The following OCIAD2 variants were observed in gnomAD, a reference collection of about 807,000 sequenced individuals.
OCIAD2 encodes the protein OCIA domain containing 2, also known as OCIA domain-containing protein 2.
OCIAD2 carries 29 observed loss-of-function variants against 22.9 expected under a neutral mutation model. The ratio of observed to expected loss-of-function variants is 1.27; its 90% CI spans 0.94 to 1.73. The LOEUF is 1.73. Among genes scored for constraint, OCIAD2 ranks in the 40% most tolerant of loss-of-function variants. The pLI, the probability that OCIAD2 is intolerant of heterozygous loss-of-function variation, is 0.00. For synonymous variants in OCIAD2, 67 were observed against 60.2 expected (o/e 1.11, Z -0.52); for missense variants, 189 against 180.3 (o/e 1.05, Z -0.28).
chr4:48,891,264 C>T (rs1781172027), intron 6 of OCIAD2, among the ~76,000 whole-genome samples: 2 of 152,138 alleles, frequency 1.3e-5, no homozygotes, highest in South Asian at 4.1e-4. Context: ...ATGCCTATTC[C>T]TTAACCCTCC....
At chr4:48,902,287 G>A (rs757978471) in intron 2 of OCIAD2, among the ~76,000 whole-genome samples, 1 of 152,154 alleles carries the variant, frequency 6.6e-6, no homozygotes, top group Admixed American at 6.5e-5. Context: ...AGATGTCAAT[G>A]TACAGATGGT....
At chr4:48,894,159 GACATA>G in intron 4 of OCIAD2, 106 bp from the exon 5 acceptor site, 1 of 537,276 alleles carries the variant, frequency 1.9e-6, no homozygotes, top group Non-Finnish European at 2.9e-6. Context: ...CAAAATTTAA[GACATA>G]AAATTTCTTA....
intron 6 of OCIAD2, 76 bp from the exon 7 acceptor site, chr4:48,885,641 C>A (rs1780964079): frequency 1.0e-5 from 8 of 783,214 alleles, no homozygotes; most frequent in Non-Finnish European, 1.8e-5. Context: ...ACATATTATT[C>A]TTATTATTTT....
At chr4:48,893,080 T>C (rs1781218835) in intron 5 of OCIAD2, 191 bp from the exon 6 acceptor site, 2 of 443,756 alleles carry the variant, frequency 4.5e-6, no homozygotes, top group Non-Finnish European at 8.1e-6. Flanking sequence ...ATCTCAACTT[T>C]GCACTGGTGG....
intron 2 of OCIAD2, among the ~76,000 whole-genome samples, chr4:48,901,835 T>C (rs1437387439): frequency 6.6e-6 from 1 of 152,198 alleles, no homozygotes; most frequent in Non-Finnish European, 1.5e-5. Context: ...CTCGAACTCC[T>C]GGGCTCAAGT....
At chr4:48,905,406 T>A (rs1781503395) in intron 1 of OCIAD2, among the ~76,000 whole-genome samples, 1 of 146,848 alleles carries the variant, frequency 6.8e-6, no homozygotes, top group Admixed American at 6.8e-5. Context: ...CAAGGGAATA[T>A]CGAAAAGAGA....
chr4:48,902,763 G>A (rs6853273), intron 2 of OCIAD2, among the ~76,000 whole-genome samples: 114 of 152,224 alleles, frequency 7.5e-4, no homozygotes, highest in African/African-American at 2.5e-3. Flanking sequence ...GACCAGCCTC[G>A]CCAACATGGT....
intron 5 of OCIAD2, 67 bp downstream of exon 5, chr4:48,893,938 TC>T (rs1427381632): frequency 2.9e-5 from 29 of 1,001,478 alleles, no homozygotes; most frequent in Non-Finnish European, 3.9e-5. Context: ...CACCTCAGCC[TC>T]CCAAAGTGCT....
Position 48,892,802 on chromosome 4 carries a change from C to T in OCIAD2, c.353G>A (p.Arg118His), listed in dbSNP as rs764161793. The change falls in exon 6 of 7, where the codon CGT becomes CAT. Residue 118 changes from arginine to histidine, a missense_variant. Coordinates refer to ENST00000508632, the MANE Select transcript of OCIAD2 (RefSeq NM_001014446.3). ...ATGCTGTGGACCAAAACCAGCCCCA[C>T]GGAGCTGATCTTCAAAAAAATGGAA... is the stretch of plus-strand genomic sequence containing the variant. ...SKFHFFEDQL[R>H]GAGFGPQHNR... is the part of the protein sequence containing the mutation. 4.5e-5 allele frequency: 72 copies of T among 1,608,066 alleles called. No individual in the cohort carries two copies. Among genetic ancestry groups the T allele is most frequent in the African/African-American group, 5.4e-5 (4 of 74,732 alleles).
intron 6 of OCIAD2, among the ~76,000 whole-genome samples, chr4:48,887,058 T>C (rs1781008610): frequency 6.6e-6 from 1 of 152,208 alleles, no homozygotes; most frequent in South Asian, 2.1e-4. Flanking sequence ...TGGTATCTCA[T>C]TGTGGTTTTG....
intron 4 of OCIAD2, among the ~76,000 whole-genome samples, 182 bp from the exon 5 acceptor site, chr4:48,894,235 G>A (rs1482659344): frequency 6.6e-6 from 1 of 152,082 alleles, no homozygotes; most frequent in African/African-American, 2.4e-5. Context: ...ACTTACGCCT[G>A]TAATCCAGCA....
chr4:48,906,393 C>G (rs1052351026), intron 1 of OCIAD2, among the ~76,000 whole-genome samples: 5 of 152,148 alleles, frequency 3.3e-5, no homozygotes, highest in African/African-American at 1.2e-4. Context: ...GGACGGCGGA[C>G]GGGGGACACT....
chr4:48,902,803 A>T (rs375276981), intron 2 of OCIAD2, among the ~76,000 whole-genome samples: 1 of 152,042 alleles, frequency 6.6e-6, no homozygotes, highest in African/African-American at 2.4e-5. Context: ...AAATGCAACA[A>T]TTAGTCAGGC....
rs7658876 is a variant in OCIAD2, at chr4:48,899,657, T to C, written c.163+172A>G. ...GGTAAAGTGCTCCTTAATCAGATAT[T>C]ATCTCTGCCCTAAAAAAGGTCTGAA... On this transcript the variant is annotated intron_variant, in intron 3 of 6. Coordinates refer to ENST00000508632, the MANE Select transcript of OCIAD2 (RefSeq NM_001014446.3). 3.1e-3 allele frequency among the ~76,000 whole-genome samples: 474 copies of C among 152,274 alleles called. 1 individual carries two copies. Among genetic ancestry groups the C allele is most frequent in the African/African-American group, 0.011 (444 of 41,548 alleles).
At chr4:48,890,261 AAAG>A (rs932303428) in intron 6 of OCIAD2, among the ~76,000 whole-genome samples, 1 of 151,736 alleles carries the variant, frequency 6.6e-6, no homozygotes, top group Non-Finnish European at 1.5e-5. Context: ...TTAAAAAAAA[AAAG>A]AAATAATAGG....
rs1781378889 is a variant in OCIAD2 at position 48,899,867 on chromosome 4, A to G, written c.125T>C (p.Ile42Thr). The part of the protein sequence containing the change: ...LHIHRAEISK[I>T]MRECQEESFW... The stretch of plus-strand genomic sequence containing the variant: ...ACTTTCTTCCTGACATTCTCGCATA[A>G]TCTTTGAGATCTCTGCTCTGTGGAT... Residue 42 changes from isoleucine to threonine, a missense_variant, in exon 3 of 7, where the codon ATT becomes ACT. Physicochemically the swap from Ile to Thr is moderately conservative, Grantham distance 89 (BLOSUM62 -1). Coordinates refer to ENST00000508632, the MANE Select transcript of OCIAD2 (RefSeq NM_001014446.3). The G allele has an allele frequency of 1.2e-6, 2 of 1,613,710 alleles. No individual in the cohort carries two copies. The highest frequency in any genetic ancestry group is 1.7e-6 in the Non-Finnish European group (2 of 1,179,922).
At chr4:48,892,931 C>T (rs751758096) in intron 5 of OCIAD2, 42 bp from the exon 6 acceptor site, 31 of 985,010 alleles carry the variant, frequency 3.1e-5, no homozygotes, top group Non-Finnish European at 4.8e-5. Context: ...GAATCTTCTC[C>T]ATTAGTTATT....
At position 48,885,524 on chromosome 4, in the gene OCIAD2, C is replaced by T. The variant is rs768258880; in HGVS notation, c.425G>A (p.Gly142Glu). Residue 142 changes from glycine to glutamate, a missense_variant, in exon 7 of 7, where the codon GGA becomes GAA. Gly to Glu is a moderately conservative substitution (Grantham distance 98, BLOSUM62 -2). Coordinates refer to ENST00000508632, the MANE Select transcript of OCIAD2 (RefSeq NM_001014446.3). ...CTGAGAGTCTCCCTTCTCACTTAAT[C>T]CATGCTTTATTTTGCATTCCTCACA... ...LTCEECKIKH[G>E]LSEKGDSQPS... The T allele has an allele frequency of 6.2e-7, 1 of 1,611,846 alleles. No homozygotes were observed. The highest frequency in any genetic ancestry group is 8.5e-7 in the Non-Finnish European group (1 of 1,177,940).
At position 48,885,434 on chromosome 4, in the gene OCIAD2, G is replaced by GT. The variant is rs1156583369; in HGVS notation, c.*49dup. On this transcript the variant is annotated 3_prime_UTR_variant, in exon 7 of 7. Coordinates refer to ENST00000508632, the MANE Select transcript of OCIAD2 (RefSeq NM_001014446.3). ...TTAAAGTACACTTGAAATTTTAAAT[G>GT]TGTACAAATTCAGAGGTTTAAAAAA... The GT allele has an allele frequency of 2.1e-6, 2 of 933,926 alleles. No individual in the cohort carries two copies. Among genetic ancestry groups the GT allele is most frequent in the South Asian group, 2.7e-5 (2 of 73,358 alleles). 57.9% of individuals were successfully genotyped at this position (933,926 alleles called of 1,614,324 possible). A position where few individuals can be genotyped will look rare whatever the true frequency, so the allele number is the denominator to read the frequency against.
Sources: gnomAD v4.1 joint callset for allele counts (sites outside exome capture counted in the v4.1 genomes callset) on GRCh38, gnomAD v4.1.1 for gene constraint, MANE v1.5 for transcripts, NCBI Gene and HGNC (gene_info 2026-07-23, HGNC 2026-07-21) for gene names.